Variants in RCN2 observed in about 807,000 individuals in gnomAD.
RCN2 encodes the protein reticulocalbin-2.
RCN2 carries 23 observed loss-of-function variants against 37.5 expected under a neutral mutation model. The ratio of observed to expected loss-of-function variants is 0.61; its 90% CI spans 0.44 to 0.87. RCN2 has a LOEUF of 0.87. RCN2 is among the 40% of genes least tolerant of loss of function. The pLI, the probability that RCN2 is intolerant of heterozygous loss-of-function variation, is 0.00. For missense variants in RCN2, 381 were observed against 390.4 expected, an observed-to-expected ratio of 0.98 and a Z score of 0.20; for synonymous variants, 140 against 144.6, an observed-to-expected ratio of 0.97 and a Z score of 0.23.
intron 3 of RCN2, 151 bp downstream of exon 3, chr15:76,935,873 G>T (rs1004089180): frequency 1.8e-6 from 1 of 556,500 alleles, no homozygotes; most frequent in Admixed American, 3.9e-5. Flanking sequence ...CATTTTGATG[G>T]TTTCCTTTCT....
intron 2 of RCN2, among the ~76,000 whole-genome samples, chr15:76,934,645 A>G (rs1177629949): frequency 6.6e-6 from 1 of 152,234 alleles, no homozygotes; most frequent in Non-Finnish European, 1.5e-5. Context: ...TCACTTGAAT[A>G]CCTTTTCAGA....
In RCN2 at chr15:76,932,388, G is replaced by T; in HGVS notation, c.172G>T (p.Gly58Cys). ...QEDVDEYVKL[G>C]HEEQQKRLQA... is the part of the protein sequence containing the mutation. ...AGATGTGGATGAATATGTTAAACTCGGCCACGAAGAGCAGCAAAAAAGACT... is the reference window on the plus strand; with the variant it reads ...AGATGTGGATGAATATGTTAAACTCTGCCACGAAGAGCAGCAAAAAAGACT... Residue 58 changes from glycine to cysteine, a missense_variant, in exon 2 of 7, where the codon GGC becomes TGC. Coordinates refer to ENST00000394885, the MANE Select transcript of RCN2 (RefSeq NM_002902.3). 1 of 1,613,804 alleles carries T rather than the reference G, an allele frequency of 6.2e-7. No homozygotes were observed. The highest frequency in any genetic ancestry group is 1.1e-5 in the South Asian group (1 of 91,070).
Position 76,943,699 on chromosome 15 carries a change from T to C in RCN2, c.448-59T>C, listed in dbSNP as rs181911802. The C allele has an allele frequency of 2.0e-4, 182 of 889,726 alleles. 1 individual carries two copies. The African/African-American group carries it at 2.9e-3, about 14-fold the overall frequency. The allele number at this position is 889,726 out of a possible 1,614,324, so 55.1% of individuals were successfully genotyped here. On this transcript the variant is annotated intron_variant, in intron 3 of 6. Coordinates refer to ENST00000394885, the MANE Select transcript of RCN2 (RefSeq NM_002902.3). ...TGTACTTTAAATTTCACATAGTTTG[T>C]ATTTTTCAAAGTATTTAAAATGATG...
In RCN2 at chr15:76,952,305, A is replaced by G. The variant is rs1408500223; in HGVS notation, c.*3083A>G. On this transcript the variant is annotated 3_prime_UTR_variant, in exon 7 of 7. Transcript: ENST00000394885. ...AAATGTATAATTACATATTCCCACC[A>G]TTGTAGTGTGGTAGAATATTTCCCT... 1 of 152,194 alleles carries G rather than the reference A, an allele frequency of 6.6e-6. No homozygotes were observed. Among genetic ancestry groups the G allele is most frequent in the African/African-American group, 2.4e-5 (1 of 41,444 alleles). The allele number at this position is 152,194 out of a possible 1,614,324, so 9.4% of individuals were successfully genotyped here.
At chr15:76,937,281 C>G (rs546110161) in intron 3 of RCN2, among the ~76,000 whole-genome samples, 1 of 152,204 alleles carries the variant, frequency 6.6e-6, no homozygotes, top group East Asian at 1.9e-4. Flanking sequence ...TCTGTGGGAT[C>G]CTGCTTTCCA....
chr15:76,943,935 A>C, intron 4 of RCN2, 64 bp downstream of exon 4: 1 of 867,942 alleles, frequency 1.2e-6, no homozygotes, highest in Non-Finnish European at 1.8e-6. Context: ...ATATATTTAA[A>C]ATTTTTGTGG....
Position 76,931,952 on chromosome 15 carries a change from C to T in RCN2, c.111C>T (p.Ser37=). ...ELHYPLGERR[S]DYDREALLGV... ...ACTACCCGCTGGGCGAGCGCCGCAGCGACTACGACCGCGAGGCGCTGCTGG... is the reference window on the plus strand; with the variant it reads ...ACTACCCGCTGGGCGAGCGCCGCAGTGACTACGACCGCGAGGCGCTGCTGG... Residue 37 remains serine (S), a synonymous_variant, in exon 1 of 7, where the codon AGC becomes AGT. Coordinates refer to ENST00000394885, the MANE Select transcript of RCN2 (RefSeq NM_002902.3). 3 of 1,278,366 alleles carry T rather than the reference C, an allele frequency of 2.3e-6. No individual in the cohort carries two copies. Among genetic ancestry groups the T allele is most frequent in the Non-Finnish European group, 2.9e-6 (3 of 1,017,448 alleles). 79.2% of individuals were successfully genotyped at this position (1,278,366 alleles called of 1,614,324 possible).
Position 76,952,380 on chromosome 15 carries a change from C to A in RCN2, c.*3158C>A, listed in dbSNP as rs772456596. ...CTATTCATCCCTCCCTTCCCTGTAA[C>A]CCCAAGCAATACTGATCTTTTTACT... On this transcript the variant is annotated 3_prime_UTR_variant, in exon 7 of 7. Transcript: ENST00000394885. 7 of 152,126 alleles carry A rather than the reference C, an allele frequency of 4.6e-5. No individual in the cohort carries two copies. Among genetic ancestry groups the A allele is most frequent in the Non-Finnish European group, 7.3e-5 (5 of 68,028 alleles). The allele number at this position is 152,126 out of a possible 1,614,324, so 9.4% of individuals were successfully genotyped here.
intron 3 of RCN2, chr15:76,941,560 C>A: frequency 1.3e-6 from 1 of 763,252 alleles, no homozygotes; most frequent in South Asian, 2.3e-5. Context: ...TACTAGAATA[C>A]AAAGTTTTTA....
chr15:76,941,771 TTTA>T, intron 3 of RCN2: 1 of 730,754 alleles, frequency 1.4e-6, no homozygotes, highest in Non-Finnish European at 2.1e-6. Flanking sequence ...TTTTTTTTTT[TTTA>T]AAGAAATCTC....
chr15:76,945,403 T>G (rs900419325), intron 4 of RCN2, among the ~76,000 whole-genome samples: 2 of 152,224 alleles, frequency 1.3e-5, no homozygotes, highest in Admixed American at 1.3e-4. Flanking sequence ...GGGGTGCAGC[T>G]GCTAGTTAAC....
At chr15:76,933,319 A>G (rs1279704245) in intron 2 of RCN2, among the ~76,000 whole-genome samples, 2 of 152,246 alleles carry the variant, frequency 1.3e-5, no homozygotes, top group African/African-American at 4.8e-5. Flanking sequence ...CAAGGAATTA[A>G]GTTGCTGGAG....
intron 3 of RCN2, among the ~76,000 whole-genome samples, chr15:76,936,986 C>T (rs747794315): frequency 2.0e-5 from 3 of 152,312 alleles, no homozygotes; most frequent in Admixed American, 6.5e-5. Flanking sequence ...TACTTTCTGT[C>T]TCTGAATTTG....
chr15:76,938,543 A>C (rs1015589614), intron 3 of RCN2, among the ~76,000 whole-genome samples: 1 of 152,196 alleles, frequency 6.6e-6, no homozygotes, highest in African/African-American at 2.4e-5. Context: ...AGTGTTGTGC[A>C]GCTAATCCCC....
In RCN2 at chr15:76,931,794, G is replaced by T. The variant is rs1406909417; in HGVS notation, c.-48G>T. Reference sequence around the variant, plus strand: ...AGCATCGCAGCCGGCCCGGGCCCCCGCCAGCCTCCCTCCTCGCGTCCCTCG... The same window carrying T: ...AGCATCGCAGCCGGCCCGGGCCCCCTCCAGCCTCCCTCCTCGCGTCCCTCG... On this transcript the variant is annotated 5_prime_UTR_variant, in exon 1 of 7. Coordinates refer to ENST00000394885, the MANE Select transcript of RCN2 (RefSeq NM_002902.3). The T allele has an allele frequency of 5.0e-6, 6 of 1,193,272 alleles. No homozygotes were observed. Among genetic ancestry groups the T allele is most frequent in the Non-Finnish European group, 6.2e-6 (6 of 962,414 alleles). The allele number at this position is 1,193,272 out of a possible 1,614,324, so 73.9% of individuals were successfully genotyped here. A position where few individuals can be genotyped will look rare whatever the true frequency, so the allele number is the denominator to read the frequency against.
chr15:76,940,120 T>G (rs1207422113), intron 3 of RCN2, among the ~76,000 whole-genome samples: 1 of 152,032 alleles, frequency 6.6e-6, no homozygotes, highest in African/African-American at 2.4e-5. Flanking sequence ...TTTTTTTTTT[T>G]GACAGCCTAG....
At position 76,931,984 on chromosome 15, in the gene RCN2, A is replaced by T; in HGVS notation, c.143A>T (p.Gln48Leu). The T allele has an allele frequency of 7.9e-7, 1 of 1,262,122 alleles. No homozygotes were observed. The highest frequency in any genetic ancestry group is 9.9e-7 in the Non-Finnish European group (1 of 1,008,330). 78.2% of individuals were successfully genotyped at this position (1,262,122 alleles called of 1,614,324 possible). Residue 48 changes from glutamine (Q) to leucine (L), a missense_variant and splice_region_variant, in exon 1 of 7, where the codon CAG becomes CTG. Coordinates refer to ENST00000394885, the MANE Select transcript of RCN2 (RefSeq NM_002902.3). ...DYDREALLGV[Q>L]EDVDEYVKLG... ...GACCGCGAGGCGCTGCTGGGCGTCC[A>T]GGTGAGGCGGCCAGGCCGGTGCTGG...
chr15:76,947,387 C>CT (rs3215250), intron 4 of RCN2, 34 bp from the exon 5 acceptor site: 9,722 of 1,240,378 alleles, frequency 7.8e-3, no homozygotes, highest in Non-Finnish European at 8.8e-3. Context: ...CATTTTGTAA[C>CT]TTTTTTTTTT....
intron 4 of RCN2, among the ~76,000 whole-genome samples, chr15:76,945,713 A>T (rs2075294105): frequency 3.3e-5 from 5 of 152,232 alleles, no homozygotes; most frequent in Admixed American, 3.3e-4. Flanking sequence ...AGGAAGATAT[A>T]TCTTTTTGTT....
Sources: allele counts gnomAD v4.1 joint callset (sites outside exome capture counted in the v4.1 genomes callset), GRCh38; gene constraint gnomAD v4.1.1; transcripts MANE v1.5; gene names NCBI Gene and HGNC (gene_info 2026-07-23, HGNC 2026-07-21).